LGR5: variants seen among roughly 807,000 people sequenced by gnomAD.
LGR5 encodes leucine-rich repeat-containing G protein-coupled receptor 5.
LGR5 carries 54 observed loss-of-function variants against 76.7 expected under a neutral mutation model. The ratio of observed to expected loss-of-function variants is 0.70; its 90% CI spans 0.57 to 0.88. LGR5 has a LOEUF of 0.88. Ranked by LOEUF, LGR5 falls within the 40% of genes least tolerant of loss-of-function variation. The pLI, the probability that LGR5 is intolerant of heterozygous loss-of-function variation, is 0.00. For synonymous variants in LGR5, 406 were observed against 421.9 expected (o/e 0.96, Z 0.46); for missense variants, 1,078 against 1,073.3 (o/e 1.00, Z -0.06).
At chr12:71,531,057 C>A (rs1876284193) in intron 3 of LGR5, among the ~76,000 whole-genome samples, 1 of 149,992 alleles carries the variant, frequency 6.7e-6, no homozygotes. Flanking sequence ...CATGGGGATG[C>A]TGTATGAAAT....
intron 2 of LGR5, among the ~76,000 whole-genome samples, chr12:71,522,021 T>A (rs1001058993): frequency 6.6e-6 from 1 of 152,208 alleles, no homozygotes; most frequent in South Asian, 2.1e-4. Flanking sequence ...AGCACTGAGG[T>A]TGCTTTGAAA....
At chr12:71,553,536 A>C (rs957763205) in intron 5 of LGR5, among the ~76,000 whole-genome samples, 7 of 152,186 alleles carry the variant, frequency 4.6e-5, no homozygotes, top group African/African-American at 1.7e-4. Context: ...CCTGTGCCTT[A>C]GAGAAGCCCC....
At chr12:71,505,540 T>C (rs1210104142) in intron 2 of LGR5, among the ~76,000 whole-genome samples, 1 of 152,182 alleles carries the variant, frequency 6.6e-6, no homozygotes, top group Non-Finnish European at 1.5e-5. Flanking sequence ...ATTTTCTTTA[T>C]AAATCCTGAA....
intron 4 of LGR5, among the ~76,000 whole-genome samples, chr12:71,539,174 G>A (rs144760568): frequency 2.8e-4 from 43 of 152,196 alleles, no homozygotes; most frequent in Non-Finnish European, 4.9e-4. Context: ...TAGGTGATTC[G>A]TAGGCAAAAT....
At position 71,583,670 on chromosome 12, in the gene LGR5, C is replaced by T. The variant is rs778713474; in HGVS notation, c.1660C>T (p.Leu554=). The T allele has an allele frequency of 1.2e-6, 2 of 1,613,092 alleles. No homozygotes were observed. The highest frequency in any genetic ancestry group is 1.1e-5 in the South Asian group (1 of 90,982). Residue 554 remains leucine, a synonymous_variant, in exon 18 of 18, where the codon CTG becomes TTG. Coordinates refer to ENST00000266674, the MANE Select transcript of LGR5 (RefSeq NM_003667.4). ...AGGCCCCTTCAAACCCTGTGAACACCTGCTTGATGGCTGGCTGATCAGAAT... is the reference window on the plus strand; with the variant it reads ...AGGCCCCTTCAAACCCTGTGAACACTTGCTTGATGGCTGGCTGATCAGAAT... ...SPGPFKPCEH[L]LDGWLIRIGV... is the part of the protein sequence containing the mutation.
chr12:71,452,204 T>TG (rs1447533425), intron 1 of LGR5, among the ~76,000 whole-genome samples: 8 of 152,330 alleles, frequency 5.3e-5, no homozygotes, highest in Non-Finnish European at 1.0e-4. Flanking sequence ...CCTCTCCTCT[T>TG]GGGAACTGTG....
At chr12:71,569,933 A>T (rs954867937) in intron 11 of LGR5, among the ~76,000 whole-genome samples, 1 of 152,230 alleles carries the variant, frequency 6.6e-6, no homozygotes, top group Non-Finnish European at 1.5e-5. Flanking sequence ...GATAGACTGG[A>T]TAAAGAAAAT....
In LGR5 at chr12:71,462,545, C is replaced by A. The variant is rs548201011; in HGVS notation, c.212+22253C>A. 3.3e-5 allele frequency among the ~76,000 whole-genome samples: 5 copies of A among 152,200 alleles called. No homozygotes were observed. In the East Asian group the frequency reaches 9.7e-4, roughly 29 times the overall value. ...TGCTCTCACCAGTTTCTCCCATGGG[C>A]AAAAGTCCTTCCTGCAAGCTCTTCT... On this transcript the variant is annotated intron_variant, in intron 1 of 17. Transcript: ENST00000266674.
intron 1 of LGR5, among the ~76,000 whole-genome samples, chr12:71,473,752 G>GT (rs1366890389): frequency 6.6e-6 from 1 of 151,932 alleles, no homozygotes; most frequent in Non-Finnish European, 1.5e-5. Context: ...GATTACTAGT[G>GT]TTTTATTATT....
intron 4 of LGR5, among the ~76,000 whole-genome samples, chr12:71,541,295 T>C (rs76241069): frequency 0.012 from 1,850 of 152,344 alleles, 17 homozygotes; most frequent in Middle Eastern, 0.034. Context: ...GCAATAGCCA[T>C]GCATGAAAGA....
intron 11 of LGR5, among the ~76,000 whole-genome samples, chr12:71,568,370 C>T (rs1444797580): frequency 1.3e-5 from 2 of 152,182 alleles, no homozygotes; most frequent in Admixed American, 6.5e-5. Flanking sequence ...GATGTAGCCA[C>T]TTCCTTCAGA....
chr12:71,484,901 C>T (rs999945715), intron 1 of LGR5, among the ~76,000 whole-genome samples: 3 of 152,154 alleles, frequency 2.0e-5, no homozygotes, highest in East Asian at 1.9e-4. Flanking sequence ...AGTGTCTCTT[C>T]GAAGTTCCCA....
chr12:71,568,471 A>G (rs940660257), intron 11 of LGR5, among the ~76,000 whole-genome samples: 3 of 152,194 alleles, frequency 2.0e-5, no homozygotes, highest in African/African-American at 4.8e-5. Flanking sequence ...GTTAACTTTT[A>G]TCATCTTTCT....
At chr12:71,458,028 GT>G (rs1872554111) in intron 1 of LGR5, among the ~76,000 whole-genome samples, 1 of 151,860 alleles carries the variant, frequency 6.6e-6, no homozygotes, top group Non-Finnish European at 1.5e-5. Flanking sequence ...CTCCTTTCTT[GT>G]TTTTTTCTAA....
intron 1 of LGR5, among the ~76,000 whole-genome samples, chr12:71,455,281 A>G (rs1235747350): frequency 6.6e-6 from 1 of 152,124 alleles, no homozygotes; most frequent in East Asian, 1.9e-4. Context: ...CCCTGCCTCA[A>G]TTTTTGTATC....
chr12:71,444,366 T>C (rs1170373532), intron 1 of LGR5, among the ~76,000 whole-genome samples: 6 of 152,092 alleles, frequency 3.9e-5, no homozygotes, highest in Non-Finnish European at 8.8e-5. Context: ...ATTTTTTCCA[T>C]AGTGTTTTTG....
chr12:71,580,593 C>T (rs1362100281), intron 16 of LGR5, among the ~76,000 whole-genome samples, 170 bp downstream of exon 16: 1 of 152,078 alleles, frequency 6.6e-6, no homozygotes, highest in East Asian at 1.9e-4. Context: ...GTCAGCAGTT[C>T]AAGACCAGCC....
chr12:71,537,200 G>C lies in LGR5; in HGVS notation c.428+2014G>C, dbSNP rs547283657. ...AGAGTTGTCAAAAAAAAAAAAAAAA[G>C]CATGATATGTTGGGAGGTTAAAGTG... is the stretch of plus-strand genomic sequence containing the variant. On this transcript the variant is annotated intron_variant, in intron 4 of 17. Transcript: ENST00000266674. 1.4e-3 allele frequency among the ~76,000 whole-genome samples: 200 copies of C among 142,010 alleles called. 1 individual carries two copies. The highest frequency in any genetic ancestry group is 5.2e-3 in the African/African-American group (196 of 37,824). 93.2% of individuals were successfully genotyped at this position (142,010 alleles called of 152,430 possible). A position where few individuals can be genotyped will look rare whatever the true frequency, so the allele number is the denominator to read the frequency against.
At chr12:71,493,876 C>G (rs1334388210) in intron 1 of LGR5, among the ~76,000 whole-genome samples, 1 of 149,540 alleles carries the variant, frequency 6.7e-6, no homozygotes, top group Non-Finnish European at 1.5e-5. Context: ...TCAGGTGATC[C>G]TCCCATCTCG....
Sources: allele counts gnomAD v4.1 joint callset (sites outside exome capture counted in the v4.1 genomes callset), GRCh38; gene constraint gnomAD v4.1.1; transcripts MANE v1.5; gene names NCBI Gene and HGNC (gene_info 2026-07-23, HGNC 2026-07-21).